The following ASNS variants were observed in gnomAD, a reference collection of about 807,000 sequenced individuals.
The protein encoded by ASNS is asparagine synthetase (glutamine-hydrolyzing), also known as asparagine synthetase [glutamine-hydrolyzing].
Under a neutral mutation model 62.6 loss-of-function variants are expected in ASNS, and 37 were observed. That is an observed-to-expected ratio of 0.59 (90% CI 0.45 to 0.78). The LOEUF is 0.78. ASNS is among the 30% of genes least tolerant of loss of function. The pLI is 0.00. For synonymous variants in ASNS, 207 were observed against 237.9 expected, an observed-to-expected ratio of 0.87 and a Z score of 1.19; for missense variants, 520 against 682.4, an observed-to-expected ratio of 0.76 and a Z score of 2.65.
At chr7:97,887,271 C>T in the ASNS span, among the ~76,000 whole-genome samples, 1 of 152,206 alleles carries the variant, frequency 6.6e-6, no homozygotes. Context: ...TATGGTCCCT[C>T]CCCAGTCAGG....
chr7:97,882,127 C>T, the ASNS span, among the ~76,000 whole-genome samples: 1 of 152,108 alleles, frequency 6.6e-6, no homozygotes, highest in African/African-American at 2.4e-5. Context: ...ACTGGGATTA[C>T]AGGCATGAGC....
the ASNS span, among the ~76,000 whole-genome samples, chr7:97,903,711 T>C: frequency 6.6e-6 from 1 of 152,258 alleles, no homozygotes; most frequent in South Asian, 2.1e-4. Context: ...CCTCGTGAGC[T>C]ACACATATTG....
chr7:97,913,409 C>G, the ASNS span, among the ~76,000 whole-genome samples: 1 of 152,340 alleles, frequency 6.6e-6, no homozygotes, highest in Admixed American at 6.5e-5. Flanking sequence ...TTCTGCCCTT[C>G]CCCTATTGCA....
the ASNS span, among the ~76,000 whole-genome samples, chr7:97,917,454 G>A: frequency 1.3e-5 from 2 of 152,216 alleles, no homozygotes; most frequent in Admixed American, 6.5e-5. Flanking sequence ...AGAGTAAACA[G>A]AGGGTCACCT....
chr7:97,922,564 T>A, the ASNS span, among the ~76,000 whole-genome samples: 1 of 152,116 alleles, frequency 6.6e-6, no homozygotes, highest in Non-Finnish European at 1.5e-5. Flanking sequence ...TGGAAATCAC[T>A]AAGAGAGCAG....
At chr7:97,916,067 G>C in the ASNS span, among the ~76,000 whole-genome samples, 1 of 152,192 alleles carries the variant, frequency 6.6e-6, no homozygotes, top group Non-Finnish European at 1.5e-5. Context: ...GATGCTTGAA[G>C]TCATGATAAG....
the ASNS span, among the ~76,000 whole-genome samples, chr7:97,897,463 C>T: frequency 6.6e-6 from 1 of 152,070 alleles, no homozygotes; most frequent in Admixed American, 6.5e-5. Flanking sequence ...AATAAACAGA[C>T]ATTTCTCAAA....
the ASNS span, among the ~76,000 whole-genome samples, chr7:97,887,254 T>A: frequency 6.6e-6 from 1 of 152,050 alleles, no homozygotes; most frequent in South Asian, 2.1e-4. Context: ...GGACATCGAG[T>A]CCCTGCTATG....
intron 3 of ASNS, among the ~76,000 whole-genome samples, chr7:97,867,302 G>A (rs1335698547): frequency 7.6e-6 from 1 of 130,830 alleles, no homozygotes; most frequent in Non-Finnish European, 1.8e-5. Flanking sequence ...TTACCAAAAA[G>A]GAGGTGTGGG....
the ASNS span, among the ~76,000 whole-genome samples, chr7:97,878,026 G>A: frequency 6.6e-6 from 1 of 152,186 alleles, no homozygotes; most frequent in African/African-American, 2.4e-5. Flanking sequence ...ACGGATGAGA[G>A]CAGCCCACAG....
At chr7:97,859,637 G>T (rs1279245756) in intron 4 of ASNS, among the ~76,000 whole-genome samples, 2 of 152,124 alleles carry the variant, frequency 1.3e-5, no homozygotes, top group African/African-American at 4.8e-5. Context: ...GTAATTCAAA[G>T]AAATAGAAAA....
At chr7:97,899,262 G>A in the ASNS span, 1 of 182,312 alleles carries the variant, frequency 5.5e-6, no homozygotes, top group Non-Finnish European at 1.1e-5. Context: ...GATTACAGAT[G>A]TGAGCCACTG....
At chr7:97,903,461 C>T in the ASNS span, among the ~76,000 whole-genome samples, 1 of 152,182 alleles carries the variant, frequency 6.6e-6, no homozygotes, top group Non-Finnish European at 1.5e-5. Context: ...CAGATACACA[C>T]ATCCGGAGAC....
At chr7:97,864,643 A>G (rs1791880572) in intron 3 of ASNS, 147 bp from the exon 4 acceptor site, 2 of 658,370 alleles carry the variant, frequency 3.0e-6, no homozygotes, top group Non-Finnish European at 2.6e-6. Context: ...TTATTAAACT[A>G]TGGTTCGCTT....
At chr7:97,865,409 A>AC (rs1791916165) in intron 3 of ASNS, among the ~76,000 whole-genome samples, 1 of 152,172 alleles carries the variant, frequency 6.6e-6, no homozygotes, top group Non-Finnish European at 1.5e-5. Flanking sequence ...GTCCTCTGAG[A>AC]TTGAAGAGGC....
the ASNS span, among the ~76,000 whole-genome samples, chr7:97,912,365 T>C: frequency 3.9e-5 from 6 of 152,088 alleles, no homozygotes; most frequent in Non-Finnish European, 7.4e-5. Context: ...TGTTTGTTTG[T>C]TTGCTTCTTG....
At chr7:97,923,228 G>A in the ASNS span, among the ~76,000 whole-genome samples, 177 of 150,236 alleles carry the variant, frequency 1.2e-3, 3 homozygotes, top group African/African-American at 4.1e-3. Context: ...CATTTGATTG[G>A]ATTTTGATAA....
chr7:97,857,175 C>T (rs1791482657), intron 7 of ASNS, among the ~76,000 whole-genome samples: 1 of 152,106 alleles, frequency 6.6e-6, no homozygotes, highest in Non-Finnish European at 1.5e-5. Flanking sequence ...TTCTTAAATG[C>T]CTAATTTTAT....
the ASNS span, among the ~76,000 whole-genome samples, chr7:97,881,791 C>T: frequency 4.6e-5 from 7 of 152,002 alleles, no homozygotes; most frequent in South Asian, 2.1e-4. Flanking sequence ...GCAGGAGGGA[C>T]GTCTCATTGA....
Sources: gnomAD v4.1 joint callset for allele counts (sites outside exome capture counted in the v4.1 genomes callset) on GRCh38, gnomAD v4.1.1 for gene constraint, MANE v1.5 for transcripts, NCBI Gene and HGNC (gene_info 2026-07-23, HGNC 2026-07-21) for gene names.